The following TNIK variants were observed in gnomAD, a reference collection of about 807,000 sequenced individuals.
The protein encoded by TNIK is TRAF2 and NCK-interacting protein kinase.
Under a neutral mutation model 191.3 loss-of-function variants are expected in TNIK, and 49 were observed. The observed-to-expected ratio is 0.26, with a 90% CI of 0.20 to 0.32. TNIK has a LOEUF of 0.32. Ranked by LOEUF, TNIK falls within the 10% of genes least tolerant of loss-of-function variation. The probability of loss-of-function intolerance (pLI) is 1.00; values close to 1 mark genes in which losing one functional copy is unlikely to be tolerated. For synonymous variants in TNIK, 594 were observed against 600.9 expected, an observed-to-expected ratio of 0.99 and a Z score of 0.17; for missense variants, 1,155 against 1,702.3, an observed-to-expected ratio of 0.68 and a Z score of 5.66.
intron 23 of TNIK, among the ~76,000 whole-genome samples, chr3:171,091,930 GC>G (rs1722119666): frequency 6.9e-6 from 1 of 145,648 alleles, no homozygotes; most frequent in African/African-American, 2.5e-5. Flanking sequence ...ACTGGCAAAT[GC>G]TATTTTCTTT....
intron 2 of TNIK, among the ~76,000 whole-genome samples, chr3:171,314,351 G>A (rs1373391563): frequency 6.6e-6 from 1 of 152,114 alleles, no homozygotes. Flanking sequence ...TCTGAGCAGT[G>A]GTCTCAAGAG....
intron 1 of TNIK, among the ~76,000 whole-genome samples, chr3:171,426,183 A>G: frequency 6.6e-6 from 1 of 152,084 alleles, no homozygotes; most frequent in Non-Finnish European, 1.5e-5. Context: ...AGACTGGATT[A>G]AGAAAATGTG....
chr3:171,396,455 G>A (rs1048339035), intron 1 of TNIK, among the ~76,000 whole-genome samples: 2 of 152,164 alleles, frequency 1.3e-5, no homozygotes, highest in African/African-American at 4.8e-5. Context: ...TTTCATTTCA[G>A]TTGGGTACAC....
chr3:171,243,728 T>TA (rs1463235827), intron 2 of TNIK, among the ~76,000 whole-genome samples: 1 of 152,226 alleles, frequency 6.6e-6, no homozygotes, highest in Non-Finnish European at 1.5e-5. Context: ...GGAAGGTTTA[T>TA]AAAAATATGT....
intron 13 of TNIK, 101 bp from the exon 14 acceptor site, chr3:171,139,657 GGAA>G: frequency 8.9e-7 from 1 of 1,117,512 alleles, no homozygotes; most frequent in South Asian, 1.3e-5. Flanking sequence ...AAGTGTAGAA[GGAA>G]GGAGGGGAAA....
chr3:171,316,542 A>G (rs1179897258), intron 2 of TNIK, among the ~76,000 whole-genome samples: 1 of 152,274 alleles, frequency 6.6e-6, no homozygotes, highest in East Asian at 1.9e-4. Flanking sequence ...TCGGGAGAAC[A>G]GTTAATAGCC....
intron 23 of TNIK, among the ~76,000 whole-genome samples, chr3:171,093,482 A>G (rs1009664736): frequency 3.9e-5 from 6 of 152,242 alleles, no homozygotes; most frequent in Non-Finnish European, 8.8e-5. Flanking sequence ...GAGAAGAGAC[A>G]TAACAAGGCC....
At position 171,440,075 on chromosome 3, in the gene TNIK, C is replaced by T. The variant is rs375405017; in HGVS notation, c.57+19932G>A. 8.4e-3 allele frequency among the ~76,000 whole-genome samples: 1,275 copies of T among 152,246 alleles called. 11 individuals are homozygous for T. Among genetic ancestry groups the T allele is most frequent in the African/African-American group, 0.025 (1,024 of 41,554 alleles). On this transcript the variant is annotated intron_variant, in intron 1 of 32. Transcript: ENST00000436636. ...TTCTCTCCCTCTGTTTTTATGATAGCCAAGACCATGCTAGGCTGGGCGAAT... is the reference window on the plus strand; with the variant it reads ...TTCTCTCCCTCTGTTTTTATGATAGTCAAGACCATGCTAGGCTGGGCGAAT...
chr3:171,092,189 C>A (rs1722166313), intron 23 of TNIK, among the ~76,000 whole-genome samples: 1 of 152,068 alleles, frequency 6.6e-6, no homozygotes, highest in Non-Finnish European at 1.5e-5. Flanking sequence ...ATCTCGTGAT[C>A]CTCCCACCTC....
chr3:171,439,083 G>A (rs544874204), intron 1 of TNIK, among the ~76,000 whole-genome samples: 4 of 152,308 alleles, frequency 2.6e-5, no homozygotes, highest in Middle Eastern at 3.4e-3. Context: ...AGTGGCTCAC[G>A]CCTGTAATCC....
intron 23 of TNIK, among the ~76,000 whole-genome samples, chr3:171,088,044 T>G (rs535265019): frequency 4.6e-5 from 7 of 152,352 alleles, no homozygotes; most frequent in African/African-American, 7.2e-5. Flanking sequence ...TAATCAGATC[T>G]GACAGGAGTT....
intron 2 of TNIK, among the ~76,000 whole-genome samples, chr3:171,300,612 T>G (rs895554766): frequency 2.6e-5 from 4 of 152,202 alleles, no homozygotes; most frequent in African/African-American, 9.6e-5. Context: ...AAACTCACAG[T>G]GCATATTGAT....
intron 28 of TNIK, 60 bp from the exon 29 acceptor site, chr3:171,071,383 ATAT>A (rs775048549): frequency 3.1e-4 from 362 of 1,159,646 alleles, no homozygotes; most frequent in Non-Finnish European, 4.2e-4. Flanking sequence ...CTTTGTATTA[ATAT>A]TAATGAATGT....
At chr3:171,104,314 CTATTTTCA>C (rs1351789702) in intron 21 of TNIK, among the ~76,000 whole-genome samples, 2 of 152,026 alleles carry the variant, frequency 1.3e-5, no homozygotes, top group Non-Finnish European at 2.9e-5. Context: ...GGGTTCAATT[CTATTTTCA>C]TATATTTTAT....
rs185222306 is a variant in TNIK at position 171,408,056 on chromosome 3, A to T, written c.58-38371T>A. Reference sequence around the variant, plus strand: ...GACAGTATAATGGGAATCATAAGACAGTATAATGGGACTCATAACAAGATA... The same window carrying T: ...GACAGTATAATGGGAATCATAAGACTGTATAATGGGACTCATAACAAGATA... On this transcript the variant is annotated intron_variant, in intron 1 of 32. Coordinates refer to ENST00000436636, the MANE Select transcript of TNIK (RefSeq NM_015028.4). Among the ~76,000 whole-genome samples the T allele has an allele frequency of 2.0e-5, 3 of 152,324 alleles. No homozygotes were observed. In the East Asian group the frequency reaches 5.8e-4, roughly 29 times the overall value.
chr3:171,369,529 A>G, intron 2 of TNIK, 91 bp downstream of exon 2: 1 of 889,978 alleles, frequency 1.1e-6, no homozygotes. Flanking sequence ...ATTTGTTAGG[A>G]GCCATTTATG....
At chr3:171,346,033 GT>G (rs1712129617) in intron 2 of TNIK, among the ~76,000 whole-genome samples, 2 of 152,142 alleles carry the variant, frequency 1.3e-5, no homozygotes, top group Middle Eastern at 3.4e-3. Flanking sequence ...AGGGTGGGGT[GT>G]TATTTTCTAT....
At chr3:171,358,785 A>T (rs1714535851) in intron 2 of TNIK, among the ~76,000 whole-genome samples, 1 of 152,156 alleles carries the variant, frequency 6.6e-6, no homozygotes, top group African/African-American at 2.4e-5. Context: ...TTGGTGAGGT[A>T]CCTTGGAGGA....
At chr3:171,183,752 C>A (rs1736987191) in intron 7 of TNIK, among the ~76,000 whole-genome samples, 1 of 151,980 alleles carries the variant, frequency 6.6e-6, no homozygotes, top group Admixed American at 6.5e-5. Flanking sequence ...GAAACCCTGT[C>A]TCTACTAAAA....
Sources: gnomAD v4.1 joint callset for allele counts (sites outside exome capture counted in the v4.1 genomes callset) on GRCh38, gnomAD v4.1.1 for gene constraint, MANE v1.5 for transcripts, NCBI Gene and HGNC (gene_info 2026-07-23, HGNC 2026-07-21) for gene names.